Variants in MACROD2 observed in about 807,000 individuals in gnomAD.
MACROD2 encodes the protein ADP-ribose glycohydrolase MACROD2.
In MACROD2, 36 loss-of-function variants were observed where a neutral mutation model predicts 70.4. The observed-to-expected ratio is 0.51, with a 90% confidence interval of 0.39 to 0.68. The LOEUF (loss-of-function observed/expected upper bound fraction) is 0.68, where lower values mean the gene tolerates loss of function less well. Ranked by LOEUF, MACROD2 falls within the 30% of genes least tolerant of loss-of-function variation. The pLI, the probability that MACROD2 is intolerant of heterozygous loss-of-function variation, is 0.00. For synonymous variants in MACROD2, 172 were observed against 178.8 expected, an observed-to-expected ratio of 0.96 and a Z score of 0.30; for missense variants, 496 against 538.4, an observed-to-expected ratio of 0.92 and a Z score of 0.78.
intron 5 of MACROD2, among the ~76,000 whole-genome samples, chr20:14,886,965 C>T (rs1266137561): frequency 6.6e-6 from 1 of 152,198 alleles, no homozygotes; most frequent in East Asian, 1.9e-4. Flanking sequence ...TGTGGGACCA[C>T]AAGATGATCA....
At position 15,790,152 on chromosome 20, in the gene MACROD2, C is replaced by G. The variant is rs74410922; in HGVS notation, c.646-72593C>G. On this transcript the variant is annotated intron_variant, in intron 8 of 17. Transcript: ENST00000684519. The stretch of plus-strand genomic sequence containing the variant: ...ATGATGAAATAGGACAAACTTATAA[C>G]AGTCTTATGTAATATAATCGTACTA... Among the ~76,000 whole-genome samples the G allele has an allele frequency of 1.1e-3, 173 of 152,034 alleles. 3 individuals carry two copies. In the East Asian group the frequency reaches 0.03, roughly 27 times the overall value.
intron 5 of MACROD2, among the ~76,000 whole-genome samples, chr20:14,873,875 A>G (rs935662790): frequency 7.2e-5 from 11 of 152,294 alleles, no homozygotes; most frequent in Admixed American, 3.9e-4. Context: ...AAATAAGTAA[A>G]TAAAAATAAA....
intron 8 of MACROD2, among the ~76,000 whole-genome samples, chr20:15,525,595 G>C (rs1018363597): frequency 2.0e-5 from 3 of 152,278 alleles, no homozygotes; most frequent in Middle Eastern, 3.4e-3. Flanking sequence ...CATGAATAAG[G>C]GCAAGTCAAC....
At chr20:15,053,668 T>C (rs779865014) in intron 5 of MACROD2, among the ~76,000 whole-genome samples, 2 of 152,244 alleles carry the variant, frequency 1.3e-5, no homozygotes, top group Non-Finnish European at 2.9e-5. Context: ...GCATTGATTA[T>C]GCCTGCTAAT....
intron 4 of MACROD2, among the ~76,000 whole-genome samples, chr20:14,588,011 T>C (rs73899205): frequency 0.045 from 6,832 of 152,218 alleles, 520 homozygotes; most frequent in African/African-American, 0.15. Flanking sequence ...TTTTCCAATG[T>C]TATCTGTCTT....
intron 5 of MACROD2, among the ~76,000 whole-genome samples, chr20:15,045,719 GTTTT>G (rs71335981): frequency 4.2e-4 from 31 of 73,398 alleles, no homozygotes; most frequent in African/African-American, 8.1e-4. Context: ...CCAGACCAGG[GTTTT>G]TTTTTTTTTT....
At chr20:15,543,660 T>G (rs183533044) in intron 8 of MACROD2, among the ~76,000 whole-genome samples, 4 of 152,142 alleles carry the variant, frequency 2.6e-5, no homozygotes, top group African/African-American at 9.7e-5. Flanking sequence ...CTTAAAACAG[T>G]AAGCACTTGC....
chr20:15,393,215 A>G (rs1408466536), intron 6 of MACROD2, among the ~76,000 whole-genome samples: 12 of 152,218 alleles, frequency 7.9e-5, no homozygotes, highest in Non-Finnish European at 1.5e-4. Flanking sequence ...TGGGTGCTAC[A>G]GCACTAAGAT....
intron 8 of MACROD2, among the ~76,000 whole-genome samples, chr20:15,686,957 C>A (rs2050234803): frequency 6.8e-6 from 1 of 148,104 alleles, no homozygotes. Flanking sequence ...AAAAAATCAC[C>A]AAGGAACTTT....
At chr20:15,372,869 A>G (rs758863315) in intron 6 of MACROD2, among the ~76,000 whole-genome samples, 10 of 151,960 alleles carry the variant, frequency 6.6e-5, no homozygotes, top group Non-Finnish European at 1.3e-4. Context: ...CTGGGCAACA[A>G]AGCATGACCC....
intron 6 of MACROD2, among the ~76,000 whole-genome samples, chr20:15,244,879 T>A (rs2077092263): frequency 6.6e-6 from 1 of 152,214 alleles, no homozygotes; most frequent in African/African-American, 2.4e-5. Context: ...GGCACACATT[T>A]GCCAATATTT....
At chr20:15,765,810 C>T (rs1461413144) in intron 8 of MACROD2, among the ~76,000 whole-genome samples, 1 of 152,168 alleles carries the variant, frequency 6.6e-6, no homozygotes, top group Non-Finnish European at 1.5e-5. Flanking sequence ...TTGTACTTGG[C>T]CTGCCTTCAC....
At chr20:14,431,415 T>C (rs984143000) in intron 3 of MACROD2, among the ~76,000 whole-genome samples, 3 of 152,134 alleles carry the variant, frequency 2.0e-5, no homozygotes, top group Non-Finnish European at 4.4e-5. Flanking sequence ...GAAGATAAGT[T>C]GAGATAATTC....
At chr20:14,360,305 G>A (rs971837199) in intron 3 of MACROD2, among the ~76,000 whole-genome samples, 2 of 152,098 alleles carry the variant, frequency 1.3e-5, no homozygotes, top group African/African-American at 4.8e-5. Flanking sequence ...GGTAATACAT[G>A]TGTTAATTAG....
intron 6 of MACROD2, among the ~76,000 whole-genome samples, chr20:15,360,079 A>T (rs910166987): frequency 6.6e-6 from 1 of 152,182 alleles, no homozygotes; most frequent in African/African-American, 2.4e-5. Flanking sequence ...CATTTTTAGA[A>T]TGTTATATAT....
chr20:15,434,592 A>G (rs1052215233), intron 7 of MACROD2, among the ~76,000 whole-genome samples: 8 of 152,172 alleles, frequency 5.3e-5, no homozygotes, highest in African/African-American at 1.9e-4. Context: ...TAGTACAACC[A>G]TTATGGAAAA....
At chr20:14,819,001 A>G (rs1030228375) in intron 5 of MACROD2, among the ~76,000 whole-genome samples, 1 of 151,826 alleles carries the variant, frequency 6.6e-6, no homozygotes, top group South Asian at 2.1e-4. Context: ...ATGGTGGCTC[A>G]TGCCTGCAAT....
At chr20:14,714,239 T>C (rs936384114) in intron 5 of MACROD2, among the ~76,000 whole-genome samples, 5 of 151,482 alleles carry the variant, frequency 3.3e-5, no homozygotes, top group South Asian at 2.1e-4. Flanking sequence ...AGAGGACGAG[T>C]GTCTACAAAT....
intron 3 of MACROD2, among the ~76,000 whole-genome samples, chr20:14,215,385 A>AC (rs1228790206): frequency 8.6e-6 from 1 of 115,812 alleles, no homozygotes; most frequent in South Asian, 3.0e-4. Flanking sequence ...CACACACCAC[A>AC]GTTTCTTTAG....
Sources: allele counts gnomAD v4.1 joint callset (sites outside exome capture counted in the v4.1 genomes callset), GRCh38; gene constraint gnomAD v4.1.1; transcripts MANE v1.5; gene names NCBI Gene and HGNC (gene_info 2026-07-23, HGNC 2026-07-21).